The following THSD7A variants were observed in gnomAD, a reference collection of about 807,000 sequenced individuals.
THSD7A encodes the protein thrombospondin type 1 domain containing 7A, also known as thrombospondin type-1 domain-containing protein 7A.
A neutral mutation model predicts 231.3 loss-of-function variants in THSD7A; 96 were observed. The observed-to-expected ratio is 0.41, with a 90% confidence interval of 0.35 to 0.49. The LOEUF (loss-of-function observed/expected upper bound fraction) is 0.49. THSD7A is among the 20% of genes least tolerant of loss of function. The pLI, the probability that THSD7A is intolerant of heterozygous loss-of-function variation, is 0.05. For synonymous variants in THSD7A, 940 were observed against 743.3 expected (o/e 1.26, Z -4.30); for missense variants, 2,290 against 2,070.2 (o/e 1.11, Z -2.06).
In THSD7A at chr7:11,573,623, C is replaced by G. The variant is rs186753701; in HGVS notation, c.1453+16837G>C. On this transcript the variant is annotated intron_variant, in intron 4 of 27. Transcript: ENST00000423059. ...CTTATGGCAGGGTTCCATTTATTCT[C>G]TTATGGATAGAAGCAGAAGCCTAAC... Among the ~76,000 whole-genome samples, 424 of 152,230 alleles carry G rather than the reference C, an allele frequency of 2.8e-3. 3 individuals are homozygous for G. Among genetic ancestry groups the G allele is most frequent in the African/African-American group, 9.7e-3 (402 of 41,536 alleles).
intron 1 of THSD7A, among the ~76,000 whole-genome samples, chr7:11,754,299 T>A (rs2128165847): frequency 6.6e-6 from 1 of 152,054 alleles, no homozygotes; most frequent in Middle Eastern, 3.4e-3. Flanking sequence ...GAACTCGAGG[T>A]AAGAGGATGT....
intron 1 of THSD7A, among the ~76,000 whole-genome samples, chr7:11,697,481 G>T (rs62433387): frequency 0.11 from 16,478 of 151,110 alleles, 921 homozygotes; most frequent in African/African-American, 0.13. Flanking sequence ...ATAGTATTTT[G>T]TATGATATTT....
At chr7:11,797,592 A>G (rs1017903724) in intron 1 of THSD7A, among the ~76,000 whole-genome samples, 2 of 151,174 alleles carry the variant, frequency 1.3e-5, no homozygotes, top group Non-Finnish European at 3.0e-5. Flanking sequence ...AATTTTTTTA[A>G]TATTCTTGTA....
intron 2 of THSD7A, among the ~76,000 whole-genome samples, chr7:11,618,587 G>T (rs992421757): frequency 6.6e-6 from 1 of 151,918 alleles, no homozygotes; most frequent in Non-Finnish European, 1.5e-5. Context: ...GGATCACGAG[G>T]TCAGGAGACC....
chr7:11,793,485 G>A (rs1313125207), intron 1 of THSD7A, among the ~76,000 whole-genome samples: 1 of 151,370 alleles, frequency 6.6e-6, no homozygotes, highest in East Asian at 1.9e-4. Context: ...GAAAATCATG[G>A]GAAGAAAATG....
chr7:11,373,709 T>G lies in THSD7A; in HGVS notation c.*2085A>C, dbSNP rs1339366555. The G allele has an allele frequency of 6.6e-6, 1 of 152,054 alleles. No homozygotes were observed. The highest frequency in any genetic ancestry group is 1.5e-5 in the Non-Finnish European group (1 of 67,992). 9.4% of individuals were successfully genotyped at this position (152,054 alleles called of 1,614,324 possible). On this transcript the variant is annotated 3_prime_UTR_variant, in exon 28 of 28. Coordinates refer to ENST00000423059, the MANE Select transcript of THSD7A (RefSeq NM_015204.3). ...TCCTAACCTGATGTCTTTTGTAATCTTTGCAAATACTCTAATGAACAGCAG... is the reference window on the plus strand; with the variant it reads ...TCCTAACCTGATGTCTTTTGTAATCGTTGCAAATACTCTAATGAACAGCAG...
intron 1 of THSD7A, among the ~76,000 whole-genome samples, chr7:11,670,871 T>A (rs1304674756): frequency 6.6e-6 from 1 of 152,222 alleles, no homozygotes; most frequent in Non-Finnish European, 1.5e-5. Flanking sequence ...GATACGATGT[T>A]AAGCTAACAC....
At chr7:11,625,372 A>G (rs970631348) in intron 2 of THSD7A, among the ~76,000 whole-genome samples, 4 of 152,102 alleles carry the variant, frequency 2.6e-5, no homozygotes, top group Admixed American at 2.6e-4. Flanking sequence ...TCTTGTATTA[A>G]GCACAGCAGT....
intron 4 of THSD7A, among the ~76,000 whole-genome samples, chr7:11,578,465 A>G (rs1791014541): frequency 6.6e-6 from 1 of 152,216 alleles, no homozygotes; most frequent in Admixed American, 6.5e-5. Flanking sequence ...AGATATTTCC[A>G]AAGAATACAA....
At chr7:11,631,616 T>C (rs1222312274) in intron 2 of THSD7A, among the ~76,000 whole-genome samples, 2 of 152,002 alleles carry the variant, frequency 1.3e-5, no homozygotes, top group African/African-American at 4.8e-5. Flanking sequence ...AAAACGTGGA[T>C]TGGTCATTTC....
intron 1 of THSD7A, among the ~76,000 whole-genome samples, chr7:11,684,753 G>A (rs1049893668): frequency 3.3e-5 from 5 of 151,948 alleles, no homozygotes; most frequent in African/African-American, 1.2e-4. Context: ...AACATTCTAT[G>A]CTCATGGATT....
intron 7 of THSD7A, among the ~76,000 whole-genome samples, chr7:11,481,285 GGAGCCTAT>G (rs1786411391): frequency 6.6e-6 from 1 of 152,078 alleles, no homozygotes; most frequent in African/African-American, 2.4e-5. Context: ...TCTGGACCTC[GGAGCCTAT>G]GTTCAAGAAA....
intron 1 of THSD7A, among the ~76,000 whole-genome samples, chr7:11,723,745 G>T (rs1051750697): frequency 3.3e-5 from 5 of 151,888 alleles, no homozygotes; most frequent in African/African-American, 4.8e-5. Context: ...AAGTTCAAAG[G>T]TTCTGAAAAA....
At chr7:11,466,470 G>GA (rs768354912) in intron 9 of THSD7A, among the ~76,000 whole-genome samples, 1 of 152,020 alleles carries the variant, frequency 6.6e-6, no homozygotes, top group South Asian at 2.1e-4. Flanking sequence ...AGGCAAAACA[G>GA]AAAAAACTGC....
chr7:11,487,677 A>G (rs1786715081), intron 6 of THSD7A, among the ~76,000 whole-genome samples: 1 of 152,108 alleles, frequency 6.6e-6, no homozygotes. Context: ...AAGGAAAGGC[A>G]TGCCTTACAT....
chr7:11,470,092 AG>A (rs2128300986), intron 8 of THSD7A, 98 bp from the exon 9 acceptor site: 6 of 809,530 alleles, frequency 7.4e-6, no homozygotes, highest in South Asian at 5.9e-5. Context: ...TTGCAAAACA[AG>A]TCACTCATCT....
chr7:11,640,473 A>G (rs1361661088), intron 1 of THSD7A, among the ~76,000 whole-genome samples: 20 of 152,190 alleles, frequency 1.3e-4, no homozygotes, highest in Non-Finnish European at 1.5e-5. Context: ...ACTTAAAAAT[A>G]CAAATCTATA....
chr7:11,626,347 T>C (rs1781472146), intron 2 of THSD7A, among the ~76,000 whole-genome samples: 1 of 152,126 alleles, frequency 6.6e-6, no homozygotes, highest in Admixed American at 6.6e-5. Flanking sequence ...TTTATGACCT[T>C]GATCATTTTC....
At chr7:11,528,713 A>G (rs1429000761) in intron 6 of THSD7A, among the ~76,000 whole-genome samples, 1 of 152,156 alleles carries the variant, frequency 6.6e-6, no homozygotes, top group Non-Finnish European at 1.5e-5. Context: ...AATGCACTGT[A>G]TTAATCTTGT....
Sources: allele counts gnomAD v4.1 joint callset (sites outside exome capture counted in the v4.1 genomes callset), GRCh38; gene constraint gnomAD v4.1.1; transcripts MANE v1.5; gene names NCBI Gene and HGNC (gene_info 2026-07-23, HGNC 2026-07-21).